Variants in TMEFF2 observed in about 807,000 individuals in gnomAD.
TMEFF2 encodes transmembrane protein with EGF like and two follistatin like domains 2.
A neutral mutation model predicts 53.8 loss-of-function variants in TMEFF2; 28 were observed. The ratio of observed to expected loss-of-function variants is 0.52; its 90% CI spans 0.39 to 0.71. The LOEUF is 0.71. TMEFF2 is among the 30% of genes least tolerant of loss of function. The pLI, the probability that TMEFF2 is intolerant of heterozygous loss-of-function variation, is 0.00. For missense variants in TMEFF2, 353 were observed against 455.2 expected, an observed-to-expected ratio of 0.78 and a Z score of 2.04; for synonymous variants, 162 against 166.3, an observed-to-expected ratio of 0.97 and a Z score of 0.20.
chr2:192,146,795 T>C (rs1348518569), intron 4 of TMEFF2, among the ~76,000 whole-genome samples: 8 of 152,122 alleles, frequency 5.3e-5, no homozygotes, highest in South Asian at 2.1e-4. Flanking sequence ...AGAGCCATAT[T>C]CATGGCTTAG....
intron 5 of TMEFF2, among the ~76,000 whole-genome samples, chr2:192,027,003 T>C (rs935668458): frequency 3.3e-5 from 5 of 152,254 alleles, no homozygotes; most frequent in Non-Finnish European, 5.9e-5. Flanking sequence ...TCTCCAGATA[T>C]TCTCCAGCTG....
intron 4 of TMEFF2, among the ~76,000 whole-genome samples, chr2:192,130,698 C>G (rs1200082725): frequency 7.2e-5 from 11 of 152,146 alleles, no homozygotes; most frequent in Admixed American, 3.9e-4. Context: ...AACGGCCCCA[C>G]CCCTATCTCC....
At position 192,164,155 on chromosome 2, in the gene TMEFF2, T is replaced by C. The variant is rs1270754452; in HGVS notation, c.439+15513A>G. On this transcript the variant is annotated intron_variant, in intron 4 of 9. Transcript: ENST00000272771. ...ACTGTCTTCCAAAGGCTTTCCATGA[T>C]GCAATGAATAAATTCCAAATTCCTT... is the stretch of plus-strand genomic sequence containing the variant. Among the ~76,000 whole-genome samples, 5 of 152,332 alleles carry C rather than the reference T, an allele frequency of 3.3e-5. No individual in the cohort carries two copies. In the East Asian group the frequency reaches 9.7e-4, roughly 29 times the overall value.
intron 4 of TMEFF2, among the ~76,000 whole-genome samples, chr2:192,132,780 C>A (rs1689877659): frequency 6.6e-6 from 1 of 152,178 alleles, no homozygotes; most frequent in Non-Finnish European, 1.5e-5. Flanking sequence ...CTGTGCAGGA[C>A]CTCGCTGAAA....
At chr2:191,967,032 C>G (rs1248422721) in intron 7 of TMEFF2, among the ~76,000 whole-genome samples, 1 of 148,018 alleles carries the variant, frequency 6.8e-6, no homozygotes, top group African/African-American at 2.5e-5. Context: ...AACTGAACTT[C>G]TGAGAAAAAA....
intron 4 of TMEFF2, among the ~76,000 whole-genome samples, chr2:192,125,103 C>T (rs975138828): frequency 5.3e-5 from 8 of 152,164 alleles, no homozygotes; most frequent in Admixed American, 2.6e-4. Context: ...AACAACAACA[C>T]TTGTATGAAA....
rs71033651 is a variant in TMEFF2 at position 191,988,653 on chromosome 2, A to AT, written c.745+9608dup. 2.5e-3 allele frequency among the ~76,000 whole-genome samples: 371 copies of AT among 148,738 alleles called. 1 individual carries two copies. Among genetic ancestry groups the AT allele is most frequent in the South Asian group, 0.02 (96 of 4,710 alleles). ...TCCATTTTATGAATACTTAAAAACT[A>AT]TTTTTTTTTTTAGCTAAACAGACAT... On this transcript the variant is annotated intron_variant, in intron 7 of 9. Coordinates refer to ENST00000272771, the MANE Select transcript of TMEFF2 (RefSeq NM_016192.4).
At position 192,189,223 on chromosome 2, in the gene TMEFF2, T is replaced by C. The variant is rs192347873; in HGVS notation, c.282+2657A>G. 1.6e-4 allele frequency among the ~76,000 whole-genome samples: 24 copies of C among 152,174 alleles called. No individual in the cohort carries two copies. In the East Asian group the frequency reaches 4.4e-3, roughly 28 times the overall value. On this transcript the variant is annotated intron_variant, in intron 2 of 9. Transcript: ENST00000272771. The stretch of plus-strand genomic sequence containing the variant: ...TATAAAAATATATGCCCATTTCTCT[T>C]TGAAATTTATCTCTCAGCTAGAAAG...
Position 192,172,250 on chromosome 2 carries a change from ATCT to A in TMEFF2, c.439+7415_439+7417del, listed in dbSNP as rs537457856. 3.2e-3 allele frequency among the ~76,000 whole-genome samples: 492 copies of A among 151,764 alleles called. 4 individuals are homozygous for A. The highest frequency in any genetic ancestry group is 5.6e-3 in the Non-Finnish European group (383 of 67,842). The stretch of plus-strand genomic sequence containing the variant: ...CCAATTCAAATTCACCCTCTTCCCA[ATCT>A]TACTTTCTTCCCTTCTGCAGATTCT... On this transcript the variant is annotated intron_variant, in intron 4 of 9. Transcript: ENST00000272771.
intron 4 of TMEFF2, among the ~76,000 whole-genome samples, chr2:192,115,282 T>G (rs1398181598): frequency 6.6e-6 from 1 of 151,780 alleles, no homozygotes; most frequent in Non-Finnish European, 1.5e-5. Context: ...AATAAACCTA[T>G]GTATATAAGA....
At chr2:192,112,434 C>T (rs1181955594) in intron 4 of TMEFF2, among the ~76,000 whole-genome samples, 1 of 152,136 alleles carries the variant, frequency 6.6e-6, no homozygotes, top group Admixed American at 6.6e-5. Flanking sequence ...ACCAATTTCT[C>T]CCATTTGGAA....
In TMEFF2 at chr2:192,017,376, C is replaced by A. The variant is rs1686766271; in HGVS notation, c.537-18168G>T. Among the ~76,000 whole-genome samples the A allele has an allele frequency of 2.0e-5, 3 of 152,236 alleles. No homozygotes were observed. The South Asian group carries it at 6.2e-4, about 32-fold the overall frequency. On this transcript the variant is annotated intron_variant, in intron 5 of 9. Coordinates refer to ENST00000272771, the MANE Select transcript of TMEFF2 (RefSeq NM_016192.4). Reference sequence around the variant, plus strand: ...GAGAGAGTTGCCTATTTTAGAAGTACCCTCTGTCAGGAGGAATAGGAATCG... The same window carrying A: ...GAGAGAGTTGCCTATTTTAGAAGTAACCTCTGTCAGGAGGAATAGGAATCG...
chr2:192,002,038 T>TTTATA (rs112135470), intron 5 of TMEFF2, among the ~76,000 whole-genome samples: 1 of 148,136 alleles, frequency 6.8e-6, no homozygotes, highest in African/African-American at 2.5e-5. Context: ...TTATTTATTA[T>TTTATA]TTTTCAGTTT....
At chr2:192,099,109 T>C (rs1426755542) in intron 4 of TMEFF2, among the ~76,000 whole-genome samples, 1 of 152,166 alleles carries the variant, frequency 6.6e-6, no homozygotes, top group African/African-American at 2.4e-5. Context: ...ACACACTCAG[T>C]TGAAGGAGAG....
At chr2:192,144,873 T>C (rs1690213427) in intron 4 of TMEFF2, among the ~76,000 whole-genome samples, 1 of 151,948 alleles carries the variant, frequency 6.6e-6, no homozygotes, top group Non-Finnish European at 1.5e-5. Context: ...ATAAAATGAT[T>C]AAAGTGATTA....
rs1691258783 is a variant in TMEFF2 at position 192,184,299 on chromosome 2, T to C, written c.412+55A>G. ...GGGAGATAACAAGAAATGAAAGACA[T>C]GGTTTTTGGATTTGGAATCCATGCA... On this transcript the variant is annotated intron_variant, in intron 3 of 9. Coordinates refer to ENST00000272771, the MANE Select transcript of TMEFF2 (RefSeq NM_016192.4). The C allele has an allele frequency of 5.0e-6, 8 of 1,592,850 alleles. No individual in the cohort carries two copies. In the East Asian group the frequency reaches 1.8e-4, roughly 36 times the overall value.
At chr2:191,969,089 A>G (rs1692549515) in intron 7 of TMEFF2, among the ~76,000 whole-genome samples, 1 of 151,238 alleles carries the variant, frequency 6.6e-6, no homozygotes, top group African/African-American at 2.4e-5. Flanking sequence ...ATATATATAT[A>G]TATATGTTTG....
At chr2:192,077,264 C>G (rs1490654326) in intron 4 of TMEFF2, among the ~76,000 whole-genome samples, 1 of 152,116 alleles carries the variant, frequency 6.6e-6, no homozygotes, top group East Asian at 1.9e-4. Flanking sequence ...TTGTGAAAAG[C>G]ACTTCTTAAC....
rs1243274534 is a variant in TMEFF2 at position 191,949,095 on chromosome 2, G to C, written c.*1216C>G. The C allele has an allele frequency of 3.0e-6, 3 of 984,992 alleles. No homozygotes were observed. The highest frequency in any genetic ancestry group is 1.7e-5 in the African/African-American group (1 of 57,146). 61.0% of individuals were successfully genotyped at this position (984,992 alleles called of 1,614,324 possible). ...ATTTAAATTTACTGTGTTAGCCATG[G>C]AAAGCTTTGCAGAGCTAAATGATAA... On this transcript the variant is annotated 3_prime_UTR_variant, in exon 10 of 10. Coordinates refer to ENST00000272771, the MANE Select transcript of TMEFF2 (RefSeq NM_016192.4).
Sources: allele counts gnomAD v4.1 joint callset (sites outside exome capture counted in the v4.1 genomes callset), GRCh38; gene constraint gnomAD v4.1.1; transcripts MANE v1.5; gene names NCBI Gene and HGNC (gene_info 2026-07-23, HGNC 2026-07-21).